The following ITGB5 variants were observed in gnomAD, a reference collection of about 807,000 sequenced individuals.
The protein encoded by ITGB5 is integrin beta-5.
A neutral mutation model predicts 84.8 loss-of-function variants in ITGB5; 38 were observed. The observed-to-expected ratio is 0.45, with a 90% CI of 0.35 to 0.59. The LOEUF is 0.59. ITGB5 is among the 20% of genes least tolerant of loss of function. The pLI, the probability that ITGB5 is intolerant of heterozygous loss-of-function variation, is 0.01. For missense variants in ITGB5, 905 were observed against 1,034.5 expected, an observed-to-expected ratio of 0.87 and a Z score of 1.72; for synonymous variants, 393 against 414.4, an observed-to-expected ratio of 0.95 and a Z score of 0.63.
At chr3:124,788,228 C>T (rs1216178354) in intron 10 of ITGB5, among the ~76,000 whole-genome samples, 1 of 152,152 alleles carries the variant, frequency 6.6e-6, no homozygotes, top group African/African-American at 2.4e-5. Flanking sequence ...ATACTCAGTG[C>T]CCCTGGTGGT....
upstream of ITGB5, among the ~76,000 whole-genome samples, chr3:124,892,515 T>A (rs1935020390): frequency 3.3e-5 from 4 of 120,162 alleles, no homozygotes; most frequent in Non-Finnish European, 3.4e-5. Context: ...CATGGTGAAA[T>A]CCCATCTCTA....
chr3:124,782,715 G>A (rs2064022103), intron 10 of ITGB5, among the ~76,000 whole-genome samples: 1 of 152,116 alleles, frequency 6.6e-6, no homozygotes, highest in Non-Finnish European at 1.5e-5. Flanking sequence ...AAAATTAGCT[G>A]GGTGTGGTGG....
intron 11 of ITGB5, among the ~76,000 whole-genome samples, chr3:124,772,377 G>A (rs530864852): frequency 2.2e-4 from 34 of 152,178 alleles, no homozygotes; most frequent in Admixed American, 1.8e-3. Flanking sequence ...GTCCAACCAG[G>A]GGTTCTGCCA....
chr3:124,807,919 G>C (rs1329956127), intron 9 of ITGB5, among the ~76,000 whole-genome samples: 4 of 120,060 alleles, frequency 3.3e-5, no homozygotes, highest in African/African-American at 1.3e-4. Context: ...TCCAGCCTGG[G>C]CGACAGAGCG....
chr3:124,874,492 C>A (rs757263749), intron 1 of ITGB5, among the ~76,000 whole-genome samples: 5 of 152,060 alleles, frequency 3.3e-5, no homozygotes, highest in Admixed American at 6.6e-5. Flanking sequence ...ATAGAAAAAA[C>A]AATCCTAAAA....
chr3:124,780,413 C>T (rs904703715), intron 10 of ITGB5, among the ~76,000 whole-genome samples: 17 of 152,200 alleles, frequency 1.1e-4, no homozygotes, highest in Admixed American at 8.5e-4. Flanking sequence ...ACCAGGCAGA[C>T]GTCAGGCCCT....
chr3:124,861,493 T>TACACACACAC (rs1397985645), intron 2 of ITGB5, among the ~76,000 whole-genome samples: 1,060 of 84,798 alleles, frequency 0.013, 7 homozygotes, highest in East Asian at 0.02. Flanking sequence ...TATATATATA[T>TACACACACAC]ATACACACAC....
At chr3:124,779,764 A>G (rs1307655296) in intron 10 of ITGB5, among the ~76,000 whole-genome samples, 1 of 152,176 alleles carries the variant, frequency 6.6e-6, no homozygotes, top group Non-Finnish European at 1.5e-5. Flanking sequence ...TCTATAAACC[A>G]CTTAGAATAG....
intron 9 of ITGB5, among the ~76,000 whole-genome samples, chr3:124,802,469 GAT>G (rs2064330551): frequency 6.6e-6 from 1 of 152,172 alleles, no homozygotes; most frequent in Non-Finnish European, 1.5e-5. Context: ...CTGTCTTGGG[GAT>G]CAGAGGAACT....
chr3:124,886,925 G>T lies in ITGB5; in HGVS notation c.70+6C>A. ...TTCTCTGGGCGCCGTGGGCGGCGCG[G>T]CTTACCTGCGAGCCGGGGCAGGAGC... On this transcript the variant is annotated splice_donor_region_variant and intron_variant, in intron 1 of 14. Coordinates refer to ENST00000296181, the MANE Select transcript of ITGB5 (RefSeq NM_002213.5). The T allele has an allele frequency of 9.9e-6, 12 of 1,212,294 alleles. No homozygotes were observed. Among genetic ancestry groups the T allele is most frequent in the Non-Finnish European group, 1.2e-5 (12 of 975,300 alleles). The allele number at this position is 1,212,294 out of a possible 1,614,324, so 75.1% of individuals were successfully genotyped here.
intron 8 of ITGB5, among the ~76,000 whole-genome samples, chr3:124,812,866 A>T (rs1303964579): frequency 1.3e-5 from 2 of 152,178 alleles, no homozygotes; most frequent in Non-Finnish European, 2.9e-5. Flanking sequence ...CATCTGTTAC[A>T]TATGTTCCAA....
intron 10 of ITGB5, among the ~76,000 whole-genome samples, chr3:124,795,049 A>C (rs929955501): frequency 1.1e-4 from 17 of 152,132 alleles, no homozygotes; most frequent in African/African-American, 3.9e-4. Flanking sequence ...CAAGGAAGAG[A>C]CTTGGGGTGT....
Position 124,859,393 on chromosome 3 carries a change from A to C in ITGB5, c.210T>G (p.Leu70=), listed in dbSNP as rs150682617. 16 of 1,613,906 alleles carry C rather than the reference A, an allele frequency of 9.9e-6. No homozygotes were observed. The highest frequency in any genetic ancestry group is 1.7e-5 in the Admixed American group (1 of 60,004). The change falls in exon 3 of 15, where the codon CTT becomes CTG. Residue 70 remains leucine, a synonymous_variant. Coordinates refer to ENST00000296181, the MANE Select transcript of ITGB5 (RefSeq NM_002213.5). ...TCTCACCTCCACAGCCATTTTTGAC[A>C]AGGTTTGCCCTCAGATCACACCGAG... is the stretch of plus-strand genomic sequence containing the variant. ...ITSRCDLRAN[L]VKNGCGGEIE...
chr3:124,881,102 G>A (rs1347090663), intron 1 of ITGB5, among the ~76,000 whole-genome samples: 1 of 151,732 alleles, frequency 6.6e-6, no homozygotes, highest in Non-Finnish European at 1.5e-5. Flanking sequence ...TCCTGCCTCA[G>A]CCTCCTGAGT....
At chr3:124,775,915 G>C (rs2063920284) in intron 10 of ITGB5, among the ~76,000 whole-genome samples, 1 of 152,228 alleles carries the variant, frequency 6.6e-6, no homozygotes, top group Non-Finnish European at 1.5e-5. Flanking sequence ...CATCTGGACA[G>C]CCAAGCCTCC....
chr3:124,818,022 C>A (rs1012585452), intron 7 of ITGB5, among the ~76,000 whole-genome samples: 1 of 151,992 alleles, frequency 6.6e-6, no homozygotes, highest in African/African-American at 2.4e-5. Context: ...TGTAAAAGCC[C>A]ATCTTCTAAG....
At chr3:124,863,336 T>C (rs982258369) in intron 2 of ITGB5, 1 of 152,184 alleles carries the variant, frequency 6.6e-6, no homozygotes, top group African/African-American at 2.4e-5. Flanking sequence ...GTCCAAACAA[T>C]TGCTGTGACT....
intron 10 of ITGB5, among the ~76,000 whole-genome samples, chr3:124,785,723 C>A (rs1411691980): frequency 6.6e-6 from 1 of 152,126 alleles, no homozygotes; most frequent in Admixed American, 6.5e-5. Flanking sequence ...ACGATGAGTA[C>A]CTCAGGCAGT....
chr3:124,809,983 TA>T (rs2064472722), intron 8 of ITGB5, among the ~76,000 whole-genome samples: 3 of 152,122 alleles, frequency 2.0e-5, no homozygotes, highest in African/African-American at 7.2e-5. Flanking sequence ...ACCTCAGACC[TA>T]GCATTCACCC....
Sources: gnomAD v4.1 joint callset for allele counts (sites outside exome capture counted in the v4.1 genomes callset) on GRCh38, gnomAD v4.1.1 for gene constraint, MANE v1.5 for transcripts, NCBI Gene and HGNC (gene_info 2026-07-23, HGNC 2026-07-21) for gene names.